The following SUMF1 variants were observed in gnomAD, a reference collection of about 807,000 sequenced individuals.
SUMF1 encodes sulfatase modifying factor 1.
SUMF1 carries 48 observed loss-of-function variants against 47.6 expected under a neutral mutation model. The observed-to-expected ratio is 1.01, with a 90% CI of 0.80 to 1.28. The LOEUF (loss-of-function observed/expected upper bound fraction) is 1.28. SUMF1 is among the 50% of genes most tolerant of loss of function. SUMF1 has a pLI of 0.00. For synonymous variants in SUMF1, 230 were observed against 192.1 expected (o/e 1.20, Z -1.63); for missense variants, 571 against 485.4 (o/e 1.18, Z -1.66).
chr3:4,252,356 A>G (rs981762113), intron 8 of SUMF1, among the ~76,000 whole-genome samples: 10 of 124,338 alleles, frequency 8.0e-5, no homozygotes, highest in African/African-American at 1.3e-4. Context: ...ACATGCGCAC[A>G]CACACACACA....
chr3:4,228,962 G>A (rs1696236533), intron 8 of SUMF1, among the ~76,000 whole-genome samples: 1 of 152,110 alleles, frequency 6.6e-6, no homozygotes, highest in African/African-American at 2.4e-5. Flanking sequence ...GAAGGTAAAG[G>A]TAAGAAATGA....
intron 9 of SUMF1, among the ~76,000 whole-genome samples, chr3:4,048,531 AAAT>A (rs1695046733): frequency 6.6e-6 from 1 of 152,148 alleles, no homozygotes; most frequent in South Asian, 2.1e-4. Flanking sequence ...CCCTTGGACT[AAAT>A]AATTCCCCCT....
rs1310503751 is a variant in SUMF1 at position 4,431,865 on chromosome 3, T to G, written c.520-11719A>C. On this transcript the variant is annotated intron_variant, in intron 3 of 8. Coordinates refer to ENST00000272902, the MANE Select transcript of SUMF1 (RefSeq NM_182760.4). ...GCATCCCATTTCGCTGTCAAAAGTG[T>G]CTTGATTTGGACAATAAATTATGAA... Among the ~76,000 whole-genome samples the G allele has an allele frequency of 2.0e-5, 3 of 152,164 alleles. No individual in the cohort carries two copies. The East Asian group carries it at 5.8e-4, about 29-fold the overall frequency.
intron 8 of SUMF1, among the ~76,000 whole-genome samples, chr3:4,172,491 T>C (rs1399341048): frequency 6.6e-6 from 1 of 152,162 alleles, no homozygotes; most frequent in Non-Finnish European, 1.5e-5. Context: ...ATACAACTCA[T>C]TTAAATCTTT....
At chr3:4,367,363 G>C (rs1415316763) in intron 8 of SUMF1, among the ~76,000 whole-genome samples, 1 of 152,232 alleles carries the variant, frequency 6.6e-6, no homozygotes, top group Non-Finnish European at 1.5e-5. Context: ...TTGAGCTGTG[G>C]TGGGCTCCAC....
At chr3:4,211,199 CATACATATATAT>C (rs1165430660) in intron 8 of SUMF1, among the ~76,000 whole-genome samples, 1 of 85,038 alleles carries the variant, frequency 1.2e-5, no homozygotes, top group Non-Finnish European at 2.3e-5. Flanking sequence ...CATATACATA[CATACATATATAT>C]ATATATATAT....
In SUMF1 at chr3:4,467,202, T is replaced by C. The variant is rs1164872591; in HGVS notation, c.44A>G (p.Glu15Gly). ...CAGCAGCAAGAGGACGAGACCCAGC[T>C]CAGGGCAACGTCCACACACCAGCCC... ...ALGLVCGRCP[E>G]LGLVLLLLLL... Residue 15 changes from glutamate to glycine, a missense_variant, in exon 1 of 9, where the codon GAG (glutamate) becomes GGG (glycine). Physicochemically the swap from Glu to Gly is moderately conservative, Grantham distance 98. Transcript: ENST00000272902. 1 of 1,611,558 alleles carries C rather than the reference T, an allele frequency of 6.2e-7. No homozygotes were observed. The highest frequency in any genetic ancestry group is 2.2e-5 in the East Asian group (1 of 44,788).
chr3:4,399,082 A>G (rs1007999970), intron 7 of SUMF1, among the ~76,000 whole-genome samples: 2 of 152,162 alleles, frequency 1.3e-5, no homozygotes, highest in Admixed American at 6.6e-5. Flanking sequence ...TATTTTGAGG[A>G]TATGAGAACG....
intron 8 of SUMF1, among the ~76,000 whole-genome samples, chr3:4,165,198 C>A (rs1289057140): frequency 6.6e-6 from 1 of 152,154 alleles, no homozygotes; most frequent in Non-Finnish European, 1.5e-5. Flanking sequence ...CATTAAAGGC[C>A]ATGGTTTGAT....
intron 8 of SUMF1, among the ~76,000 whole-genome samples, chr3:4,168,837 A>C (rs1376855690): frequency 1.3e-5 from 2 of 152,170 alleles, no homozygotes; most frequent in Non-Finnish European, 2.9e-5. Context: ...GAGCTTAACA[A>C]ATACTGGTTA....
chr3:4,400,233 C>T (rs1292100850), intron 7 of SUMF1, among the ~76,000 whole-genome samples: 1 of 152,216 alleles, frequency 6.6e-6, no homozygotes, highest in African/African-American at 2.4e-5. Flanking sequence ...GAAAGACAGG[C>T]TTTCAAGCCC....
At chr3:4,212,408 G>A (rs1219796217) in intron 8 of SUMF1, among the ~76,000 whole-genome samples, 1 of 152,044 alleles carries the variant, frequency 6.6e-6, no homozygotes, top group Non-Finnish European at 1.5e-5. Context: ...CTATCCGACG[G>A]TCACCAACAT....
At chr3:4,255,088 C>A (rs1696917855) in intron 8 of SUMF1, among the ~76,000 whole-genome samples, 1 of 150,528 alleles carries the variant, frequency 6.6e-6, no homozygotes, top group South Asian at 2.1e-4. Context: ...ACCACCAGGC[C>A]TGCCCTAAAA....
chr3:4,374,707 T>G (rs1370082772), intron 8 of SUMF1, among the ~76,000 whole-genome samples: 2 of 152,186 alleles, frequency 1.3e-5, no homozygotes, highest in African/African-American at 4.8e-5. Context: ...GAGATTCACC[T>G]GTTTTCCATG....
At chr3:4,441,717 A>AATT (rs1362866429) in intron 3 of SUMF1, among the ~76,000 whole-genome samples, 3 of 152,212 alleles carry the variant, frequency 2.0e-5, no homozygotes, top group Non-Finnish European at 4.4e-5. Context: ...TTACTTCGAT[A>AATT]ATAATACTCT....
rs116036755 is a variant in SUMF1, at chr3:4,105,189, T to C, written c.1015-36444A>G. On this transcript the variant is annotated intron_variant and NMD_transcript_variant, in intron 8 of 12. Transcript: ENST00000448413. ...GTGGAATCTAAAACAGTCGAACTCA[T>C]AGAAGCAGAGCACAGAATGCTGGTT... is the stretch of plus-strand genomic sequence containing the variant. Among the ~76,000 whole-genome samples the C allele has an allele frequency of 7.3e-3, 1,103 of 152,138 alleles. 29 individuals are homozygous for C. Among genetic ancestry groups the C allele is most frequent in the African/African-American group, 0.025 (1,044 of 41,490 alleles).
intron 8 of SUMF1, among the ~76,000 whole-genome samples, chr3:4,120,777 C>G (rs1479076204): frequency 1.3e-5 from 2 of 152,108 alleles, no homozygotes; most frequent in Non-Finnish European, 2.9e-5. Context: ...AACAAGACCC[C>G]CAACTTGAGG....
intron 8 of SUMF1, among the ~76,000 whole-genome samples, chr3:4,212,876 C>G (rs192924916): frequency 9.9e-5 from 15 of 152,016 alleles, no homozygotes; most frequent in African/African-American, 3.1e-4. Flanking sequence ...ATTATAAAAA[C>G]GAACAAACAA....
intron 3 of SUMF1, among the ~76,000 whole-genome samples, chr3:4,444,108 T>A (rs1702699244): frequency 6.6e-6 from 1 of 152,082 alleles, no homozygotes; most frequent in East Asian, 1.9e-4. Context: ...GGGAAAAAAA[T>A]CAGATTACCA....
Sources: gnomAD v4.1 joint callset for allele counts (sites outside exome capture counted in the v4.1 genomes callset) on GRCh38, gnomAD v4.1.1 for gene constraint, MANE v1.5 for transcripts, NCBI Gene and HGNC (gene_info 2026-07-23, HGNC 2026-07-21) for gene names.